The following GSN variants were observed in gnomAD, a reference collection of about 807,000 sequenced individuals.
The protein encoded by GSN is actin-depolymerizing factor.
Under a neutral mutation model 85.7 loss-of-function variants are expected in GSN, and 56 were observed. That is an observed-to-expected ratio of 0.65 (90% confidence interval 0.53 to 0.82). The LOEUF (loss-of-function observed/expected upper bound fraction) is 0.82. Ranked by LOEUF, GSN falls within the 40% of genes least tolerant of loss-of-function variation. The pLI is 0.00. For synonymous variants in GSN, 373 were observed against 399.1 expected (o/e 0.93, Z 0.78); for missense variants, 857 against 979.8 (o/e 0.87, Z 1.67).
chr9:121,269,604 G>A (rs1267485224), intron 1 of GSN, among the ~76,000 whole-genome samples: 2 of 152,126 alleles, frequency 1.3e-5, no homozygotes, highest in South Asian at 2.1e-4. Context: ...GGGAACGGTC[G>A]GCTTTCAGCT....
chr9:121,289,263 C>G (rs2058449839), intron 2 of GSN, among the ~76,000 whole-genome samples: 1 of 152,120 alleles, frequency 6.6e-6, no homozygotes, highest in African/African-American at 2.4e-5. Context: ...GAGTAACCCC[C>G]CGCCATCCCA....
rs2063705595 is a variant in GSN at position 121,329,990 on chromosome 9, G to A, written c.1965+675G>A. Among the ~76,000 whole-genome samples the A allele has an allele frequency of 6.6e-6, 1 of 152,158 alleles. No homozygotes were observed. The highest frequency in any genetic ancestry group is 2.4e-5 in the African/African-American group (1 of 41,402). On this transcript the variant is annotated intron_variant, in intron 16 of 17. Transcript: ENST00000432226. The surrounding 1 kb of genome is among the most constrained non-coding windows in gnomAD (Gnocchi z 4.6). ...CCAGAGTCCTCAGAGTTACGGAGCA[G>A]CTGGCCACGAAGGCATAAGACTCTA...
At chr9:121,306,167 C>G (rs1464223528) in intron 4 of GSN, among the ~76,000 whole-genome samples, 1 of 152,118 alleles carries the variant, frequency 6.6e-6, no homozygotes, top group African/African-American at 2.4e-5. Context: ...ACCCATTGTT[C>G]AAATGGAATC....
intron 5 of GSN, chr9:121,238,142 A>C (rs1463799894): frequency 6.6e-6 from 1 of 152,248 alleles, no homozygotes; most frequent in Non-Finnish European, 1.5e-5. Context: ...TCAAGGGTAA[A>C]ATTTACTTTG....
At chr9:121,230,653 G>A (rs895603743) in intron 4 of GSN, among the ~76,000 whole-genome samples, 70 of 152,108 alleles carry the variant, frequency 4.6e-4, no homozygotes, top group African/African-American at 1.5e-3. Flanking sequence ...TTTTTCCATC[G>A]GTAAAATGGG....
chr9:121,242,333 C>T (rs906638435), intron 5 of GSN, among the ~76,000 whole-genome samples: 4 of 152,106 alleles, frequency 2.6e-5, no homozygotes, highest in African/African-American at 9.7e-5. Flanking sequence ...TCCCTTAATA[C>T]GGCTTGAATC....
intron 2 of GSN, among the ~76,000 whole-genome samples, chr9:121,297,145 C>T (rs889817937): frequency 6.6e-6 from 1 of 152,200 alleles, no homozygotes; most frequent in Non-Finnish European, 1.5e-5. Flanking sequence ...GTCTAATGAG[C>T]AGGCATCACT....
chr9:121,227,870 A>C (rs1426276222), intron 4 of GSN, among the ~76,000 whole-genome samples: 1 of 152,106 alleles, frequency 6.6e-6, no homozygotes, highest in Non-Finnish European at 1.5e-5. Flanking sequence ...CAGCACTCCC[A>C]GCTTAGGAAT....
At chr9:121,298,163 C>G (rs2059393140) in intron 2 of GSN, among the ~76,000 whole-genome samples, 1 of 152,050 alleles carries the variant, frequency 6.6e-6, no homozygotes, top group Non-Finnish European at 1.5e-5. Flanking sequence ...CCTCGGTGAC[C>G]CCTGCTGCCC....
At chr9:121,221,264 T>C (rs1178972950) in intron 4 of GSN, among the ~76,000 whole-genome samples, 2 of 152,208 alleles carry the variant, frequency 1.3e-5, no homozygotes, top group Non-Finnish European at 2.9e-5. Context: ...CCCCTGACCA[T>C]GTTCTTCCCA....
chr9:121,229,064 C>T (rs1022573845), intron 4 of GSN, among the ~76,000 whole-genome samples: 6 of 152,172 alleles, frequency 3.9e-5, no homozygotes, highest in African/African-American at 1.4e-4. Context: ...ACCATGTTTG[C>T]ATTCTCCTGT....
intron 5 of GSN, among the ~76,000 whole-genome samples, chr9:121,237,087 A>G (rs931261542): frequency 1.3e-5 from 2 of 152,218 alleles, no homozygotes; most frequent in Non-Finnish European, 2.9e-5. Flanking sequence ...GTCACCAAAG[A>G]CAAGGCTTTT....
At chr9:121,331,363 C>T (rs989798571) in intron 16 of GSN, 25 bp from the exon 17 acceptor site, 1 of 1,536,314 alleles carries the variant, frequency 6.5e-7, no homozygotes, top group Non-Finnish European at 9.0e-7. Flanking sequence ...CCTCATGTAC[C>T]TTTCCTGTTG....
intron 6 of GSN, chr9:121,313,067 T>G (rs2061351765): frequency 6.5e-6 from 1 of 154,436 alleles, no homozygotes; most frequent in African/African-American, 2.4e-5. Context: ...AGCCGCATTC[T>G]CCAGTGGGGA....
At chr9:121,246,848 C>T (rs1364454249) in intron 5 of GSN, among the ~76,000 whole-genome samples, 4 of 152,108 alleles carry the variant, frequency 2.6e-5, no homozygotes, top group African/African-American at 9.7e-5. Flanking sequence ...TTGATTGGTC[C>T]GGAAGCTGAG....
rs778163499 is a variant in GSN at position 121,317,181 on chromosome 9, G to T, written c.849G>T (p.Leu283=). Residue 283 remains leucine (L), a synonymous_variant, in exon 8 of 18, where the codon CTG becomes CTT. Transcript: ENST00000432226. The part of the protein sequence containing the change: ...GALKSEDCFI[L]DHGKDGKIFV... ...TGAAGTCAGAGGACTGCTTCATCCT[G>T]GACCACGGCAAAGATGGGAAAATCT... is the stretch of plus-strand genomic sequence containing the variant. 1.2e-6 allele frequency: 2 copies of T among 1,614,052 alleles called. No individual in the cohort carries two copies. Among genetic ancestry groups the T allele is most frequent in the African/African-American group, 1.3e-5 (1 of 74,930 alleles).
intron 3 of GSN, 59 bp downstream of exon 3, chr9:121,302,226 TGGGG>T: frequency 1.9e-6 from 3 of 1,573,716 alleles, no homozygotes; most frequent in Non-Finnish European, 2.6e-6. Context: ...TGCAGACCTT[TGGGG>T]CATGGTCCCC....
chr9:121,237,083 AAAGAC>A (rs2054510184), intron 5 of GSN, among the ~76,000 whole-genome samples: 1 of 152,250 alleles, frequency 6.6e-6, no homozygotes, highest in Non-Finnish European at 1.5e-5. Context: ...AAAGGTCACC[AAAGAC>A]AAGGCTTTTC....
intron 1 of GSN, among the ~76,000 whole-genome samples, chr9:121,275,854 C>T (rs1298826666): frequency 6.6e-6 from 1 of 152,236 alleles, no homozygotes; most frequent in Non-Finnish European, 1.5e-5. Flanking sequence ...GGATTTCAGA[C>T]TCCATCTTTA....
Sources: allele counts gnomAD v4.1 joint callset (sites outside exome capture counted in the v4.1 genomes callset), GRCh38; gene constraint gnomAD v4.1.1; non-coding constraint Gnocchi (gnomAD v3.1); transcripts MANE v1.5; gene names NCBI Gene and HGNC (gene_info 2026-07-23, HGNC 2026-07-21).